Variants in GXYLT2 observed in about 807,000 individuals in gnomAD.
The protein encoded by GXYLT2 is glucoside xylosyltransferase 2.
A neutral mutation model predicts 45.8 loss-of-function variants in GXYLT2; 53 were observed. That is an observed-to-expected ratio of 1.16 (90% CI 0.93 to 1.46). GXYLT2 has a LOEUF of 1.46. Ranked by LOEUF, GXYLT2 falls within the 40% of genes most tolerant of loss-of-function variation. GXYLT2 has a pLI of 0.00. For synonymous variants in GXYLT2, 219 were observed against 214.2 expected, an observed-to-expected ratio of 1.02 and a Z score of -0.19; for missense variants, 551 against 544.4, an observed-to-expected ratio of 1.01 and a Z score of -0.12.
rs1056860960 is a variant in GXYLT2 at position 72,976,406 on chromosome 3, A to C, written c.*1247A>C. The stretch of plus-strand genomic sequence containing the variant: ...TAGCTGTGGTCATCTCTCTTTCTTA[A>C]ACTCTTGGGCAATGGGTGGAAATCA... On this transcript the variant is annotated 3_prime_UTR_variant, in exon 7 of 7. Coordinates refer to ENST00000389617, the MANE Select transcript of GXYLT2 (RefSeq NM_001080393.2). The C allele has an allele frequency of 5.3e-5, 8 of 152,198 alleles. No individual in the cohort carries two copies. Among genetic ancestry groups the C allele is most frequent in the Admixed American group, 4.6e-4 (7 of 15,278 alleles). 9.4% of individuals were successfully genotyped at this position (152,198 alleles called of 1,614,324 possible).
intron 6 of GXYLT2, among the ~76,000 whole-genome samples, chr3:72,973,047 G>C (rs949107416): frequency 6.6e-6 from 1 of 152,038 alleles, no homozygotes; most frequent in African/African-American, 2.4e-5. Context: ...AGTGAGCCGT[G>C]ATTGCCCCTC....
intron 1 of GXYLT2, among the ~76,000 whole-genome samples, chr3:72,901,929 A>G (rs1709416954): frequency 6.6e-6 from 1 of 152,096 alleles, no homozygotes; most frequent in Admixed American, 6.5e-5. Flanking sequence ...GAATCATAAA[A>G]TATGTGGCTT....
At chr3:72,968,447 C>G (rs914505109) in intron 6 of GXYLT2, among the ~76,000 whole-genome samples, 1 of 152,224 alleles carries the variant, frequency 6.6e-6, no homozygotes, top group Non-Finnish European at 1.5e-5. Flanking sequence ...TGTTCAGTTA[C>G]AACAAGGAGC....
Position 72,974,963 on chromosome 3 carries a change from T to C in GXYLT2, c.1150-14T>C. 5 of 1,528,524 alleles carry C rather than the reference T, an allele frequency of 3.3e-6. No homozygotes were observed. The highest frequency in any genetic ancestry group is 4.4e-6 in the Non-Finnish European group (5 of 1,134,574). The allele number at this position is 1,528,524 out of a possible 1,614,324, so 94.7% of individuals were successfully genotyped here. On this transcript the variant is annotated splice_polypyrimidine_tract_variant and intron_variant, in intron 6 of 6. Transcript: ENST00000389617. ...TTCCGTTACTAAATAAACTTTTTTT[T>C]TGTCATCTTTCAGTTTCCCTTTCAA...
rs751264127 is a variant in GXYLT2, at chr3:72,967,587, C to T, written c.1017C>T (p.Pro339=). The change falls in exon 6 of 7, where the codon CCC becomes CCT. Residue 339 remains proline, a synonymous_variant. Coordinates refer to ENST00000389617, the MANE Select transcript of GXYLT2 (RefSeq NM_001080393.2). The part of the protein sequence containing the change: ...YVFPCQWNYR[P]DHCMYGSNCR... The stretch of plus-strand genomic sequence containing the variant: ...TCCCCTGCCAGTGGAACTACCGTCC[C>T]GATCACTGCATGTACGGAAGCAACT... 1.2e-5 allele frequency: 20 copies of T among 1,613,706 alleles called. No homozygotes were observed. Among genetic ancestry groups the T allele is most frequent in the Admixed American group, 1.7e-5 (1 of 59,976 alleles).
intron 1 of GXYLT2, among the ~76,000 whole-genome samples, chr3:72,897,772 A>T (rs1709321518): frequency 6.6e-6 from 1 of 152,214 alleles, no homozygotes; most frequent in Non-Finnish European, 1.5e-5. Context: ...GCAGGCCTAG[A>T]ATTTGAAGCC....
chr3:72,888,283 C>T lies in GXYLT2; in HGVS notation c.50C>T (p.Ala17Val). 1 of 994,360 alleles carries T rather than the reference C, an allele frequency of 1.0e-6. No individual in the cohort carries two copies. The highest frequency in any genetic ancestry group is 1.2e-6 in the Non-Finnish European group (1 of 838,386). The allele number at this position is 994,360 out of a possible 1,614,324, so 61.6% of individuals were successfully genotyped here. Reference protein sequence around the residue: ...AAALLLLALAALLLALLSLRA... With the variant: ...AAALLLLALAVLLLALLSLRA... The stretch of plus-strand genomic sequence containing the variant: ...GCGCTGCTCTTGCTCGCGCTGGCCG[C>T]GCTGCTGCTGGCGCTGCTGTCCCTG... The change falls in exon 1 of 7, where the codon GCG (alanine) becomes GTG (valine). Residue 17 changes from alanine (A) to valine (V), a missense_variant. By Grantham distance (64) the Ala-to-Val change is moderately conservative. Coordinates refer to ENST00000389617, the MANE Select transcript of GXYLT2 (RefSeq NM_001080393.2).
At chr3:72,931,342 G>C (rs1011037882) in intron 3 of GXYLT2, among the ~76,000 whole-genome samples, 2 of 151,520 alleles carry the variant, frequency 1.3e-5, no homozygotes, top group Non-Finnish European at 2.9e-5. Context: ...CCATTCTCCT[G>C]CCTCAGCTTG....
chr3:72,965,628 A>T (rs1559752288), intron 5 of GXYLT2, among the ~76,000 whole-genome samples: 1 of 152,178 alleles, frequency 6.6e-6, no homozygotes, highest in Non-Finnish European at 1.5e-5. Context: ...TGAATCCAAT[A>T]GGATTAGGGC....
intron 3 of GXYLT2, among the ~76,000 whole-genome samples, chr3:72,954,608 C>T (rs934018445): frequency 6.7e-6 from 1 of 149,416 alleles, no homozygotes; most frequent in Admixed American, 6.7e-5. Flanking sequence ...TGCACTCCAG[C>T]CTGGGCGACA....
At chr3:72,890,039 G>A (rs1167769852) in intron 1 of GXYLT2, among the ~76,000 whole-genome samples, 1 of 151,716 alleles carries the variant, frequency 6.6e-6, no homozygotes, top group Non-Finnish European at 1.5e-5. Context: ...TTGTGCCTCA[G>A]CCTGCCAGGT....
At chr3:72,957,054 C>T (rs1254873959) in intron 4 of GXYLT2, among the ~76,000 whole-genome samples, 175 bp from the exon 5 acceptor site, 2 of 146,984 alleles carry the variant, frequency 1.4e-5, no homozygotes, top group African/African-American at 2.5e-5. Context: ...CTGAAAAAAG[C>T]GATACAATCA....
intron 3 of GXYLT2, among the ~76,000 whole-genome samples, chr3:72,930,361 G>A (rs1309442164): frequency 6.6e-6 from 1 of 151,676 alleles, no homozygotes; most frequent in Non-Finnish European, 1.5e-5. Context: ...AATTAGCTGG[G>A]CGTGGTGGCA....
chr3:72,889,274 G>C (rs1320705896), intron 1 of GXYLT2, among the ~76,000 whole-genome samples: 1 of 152,168 alleles, frequency 6.6e-6, no homozygotes, highest in Admixed American at 6.5e-5. Flanking sequence ...CTTTGTTGTG[G>C]AGGGCTTTTC....
At chr3:72,908,644 AT>A in intron 2 of GXYLT2, 85 bp downstream of exon 2, 1 of 1,094,988 alleles carries the variant, frequency 9.1e-7, no homozygotes, top group Non-Finnish European at 1.3e-6. Flanking sequence ...TAACTAATGT[AT>A]TTTGCTGCAT....
At chr3:72,957,630 T>G (rs1439580597) in intron 5 of GXYLT2, among the ~76,000 whole-genome samples, 1 of 152,170 alleles carries the variant, frequency 6.6e-6, no homozygotes, top group East Asian at 1.9e-4. Flanking sequence ...TTCTAAGAAG[T>G]GCAGTTAAAA....
chr3:72,974,798 T>C (rs1486685438), intron 6 of GXYLT2, among the ~76,000 whole-genome samples, 179 bp from the exon 7 acceptor site: 1 of 152,066 alleles, frequency 6.6e-6, no homozygotes, highest in African/African-American at 2.4e-5. Flanking sequence ...GTTTAAATGA[T>C]TACCTGGGGT....
Position 72,975,142 on chromosome 3 carries a change from C to T in GXYLT2, c.1315C>T (p.Pro439Ser). The T allele has an allele frequency of 1.2e-6, 2 of 1,612,640 alleles. No homozygotes were observed. Among genetic ancestry groups the T allele is most frequent in the Non-Finnish European group, 1.7e-6 (2 of 1,179,208 alleles). The change falls in exon 7 of 7, where the codon CCC (proline) becomes TCC (serine). Residue 439 changes from proline to serine, a missense_variant. Pro to Ser is a moderately conservative substitution (Grantham distance 74). Transcript: ENST00000389617. ...YEKHVIIHVG[P>S]NQMH ...GAAACACGTCATCATCCATGTTGGC[C>T]CCAACCAGATGCACTGAATATTTTG... is the stretch of plus-strand genomic sequence containing the variant.
In GXYLT2 at chr3:72,974,144, T is replaced by C. The variant is rs577322526; in HGVS notation, c.1150-833T>C. On this transcript the variant is annotated intron_variant, in intron 6 of 6. Transcript: ENST00000389617. The stretch of plus-strand genomic sequence containing the variant: ...TTGACTTGATCTACTACCAGACTTT[T>C]CCCTTTCAACAAGATTGTAATAAAA... 3.2e-4 allele frequency among the ~76,000 whole-genome samples: 49 copies of C among 152,278 alleles called. 1 individual carries two copies. The highest frequency in any genetic ancestry group is 7.4e-5 in the Non-Finnish European group (5 of 68,016).
Sources: gnomAD v4.1 joint callset for allele counts (sites outside exome capture counted in the v4.1 genomes callset) on GRCh38, gnomAD v4.1.1 for gene constraint, MANE v1.5 for transcripts, NCBI Gene and HGNC (gene_info 2026-07-23, HGNC 2026-07-21) for gene names.